PTPRR: variants seen among roughly 807,000 people sequenced by gnomAD.
PTPRR encodes receptor-type tyrosine-protein phosphatase R.
In PTPRR, 38 loss-of-function variants were observed where a neutral mutation model predicts 77.2. That is an observed-to-expected ratio of 0.49 (90% CI 0.38 to 0.65). The LOEUF (loss-of-function observed/expected upper bound fraction) is 0.65. PTPRR is among the 30% of genes least tolerant of loss of function. PTPRR has a pLI of 0.00. For missense variants in PTPRR, 744 were observed against 799.2 expected, an observed-to-expected ratio of 0.93 and a Z score of 0.83; for synonymous variants, 299 against 283.1, an observed-to-expected ratio of 1.06 and a Z score of -0.57.
Position 70,727,425 on chromosome 12 carries a change from C to A in PTPRR, c.1007+18393G>T, listed in dbSNP as rs940078707. On this transcript the variant is annotated intron_variant, in intron 6 of 13. Transcript: ENST00000283228. ...AAATGGGTTATAAGAATTAAAAAAA[C>A]CAGAATTAACTTCTAAGCATAAATG... 7.2e-5 allele frequency among the ~76,000 whole-genome samples: 11 copies of A among 151,966 alleles called. No individual in the cohort carries two copies. In the East Asian group the frequency reaches 7.7e-4, roughly 11 times the overall value.
chr12:70,720,886 G>A (rs890920699), intron 6 of PTPRR, among the ~76,000 whole-genome samples: 6 of 151,896 alleles, frequency 4.0e-5, no homozygotes, highest in Admixed American at 6.6e-5. Flanking sequence ...CCTCATCTTC[G>A]ACTCCAATAA....
chr12:70,871,669 A>G (rs1482449727), intron 2 of PTPRR, among the ~76,000 whole-genome samples: 6 of 152,248 alleles, frequency 3.9e-5, no homozygotes, highest in African/African-American at 1.4e-4. Context: ...AAGTTCTACA[A>G]TGTATACAGA....
At chr12:70,905,104 A>G (rs755040724) in intron 1 of PTPRR, among the ~76,000 whole-genome samples, 9 of 151,874 alleles carry the variant, frequency 5.9e-5, no homozygotes, top group Non-Finnish European at 1.3e-4. Context: ...GAGGACCCAG[A>G]GTACAGGCAG....
chr12:70,732,385 C>T (rs946927424), intron 6 of PTPRR, among the ~76,000 whole-genome samples: 6 of 152,098 alleles, frequency 3.9e-5, no homozygotes, highest in East Asian at 1.9e-4. Flanking sequence ...CAGCAGGGAC[C>T]GTGAGGGTTT....
intron 2 of PTPRR, among the ~76,000 whole-genome samples, chr12:70,771,515 A>G (rs545419716): frequency 1.2e-3 from 180 of 152,260 alleles, no homozygotes; most frequent in African/African-American, 3.9e-3. Flanking sequence ...CCCATGTCGC[A>G]AACCTGCACA....
At chr12:70,780,232 C>T (rs1891175851) in intron 2 of PTPRR, among the ~76,000 whole-genome samples, 1 of 152,082 alleles carries the variant, frequency 6.6e-6, no homozygotes, top group Non-Finnish European at 1.5e-5. Flanking sequence ...CCTTGTGATC[C>T]ACCTGCCTTG....
intron 2 of PTPRR, among the ~76,000 whole-genome samples, chr12:70,791,944 A>C (rs1355427230): frequency 2.0e-5 from 3 of 152,178 alleles, no homozygotes; most frequent in Non-Finnish European, 4.4e-5. Context: ...TGCTTCAACC[A>C]CATATCTCAG....
intron 1 of PTPRR, among the ~76,000 whole-genome samples, chr12:70,911,281 T>C (rs1360620421): frequency 6.6e-6 from 1 of 152,054 alleles, no homozygotes; most frequent in Non-Finnish European, 1.5e-5. Context: ...ATAGTATCAG[T>C]TGGTCAGTAG....
chr12:70,850,738 T>C (rs4760765), intron 2 of PTPRR, among the ~76,000 whole-genome samples: 101,154 of 152,052 alleles, frequency 0.67, 34,495 homozygotes, highest in African/African-American at 0.81. Flanking sequence ...TTGATGTACC[T>C]TTCACTCTCG....
chr12:70,715,269 G>A (rs1366387875), intron 6 of PTPRR, among the ~76,000 whole-genome samples: 2 of 152,084 alleles, frequency 1.3e-5, no homozygotes, highest in African/African-American at 2.4e-5. Context: ...GGGAGTATAC[G>A]AACAGGGTAT....
At chr12:70,885,002 T>C (rs1446994428) in intron 2 of PTPRR, among the ~76,000 whole-genome samples, 2 of 152,248 alleles carry the variant, frequency 1.3e-5, no homozygotes, top group Middle Eastern at 3.4e-3. Context: ...TTCTCTTTTT[T>C]TGTTCTGTTT....
At chr12:70,676,423 G>A (rs1887448921) in intron 10 of PTPRR, among the ~76,000 whole-genome samples, 1 of 151,870 alleles carries the variant, frequency 6.6e-6, no homozygotes, top group South Asian at 2.1e-4. Context: ...ATTTAAAAGA[G>A]TAGCCTACAT....
intron 10 of PTPRR, among the ~76,000 whole-genome samples, chr12:70,670,517 T>C (rs1887182524): frequency 6.6e-6 from 1 of 152,236 alleles, no homozygotes; most frequent in Admixed American, 6.5e-5. Context: ...TTTATGTGTG[T>C]TCAAATTGTG....
chr12:70,881,179 T>C (rs987058899), intron 2 of PTPRR, among the ~76,000 whole-genome samples: 1 of 152,196 alleles, frequency 6.6e-6, no homozygotes, highest in Admixed American at 6.5e-5. Context: ...ATGTACTTGT[T>C]CAGGTTAAAA....
At chr12:70,644,211 T>C (rs538834410) in intron 13 of PTPRR, among the ~76,000 whole-genome samples, 1 of 152,376 alleles carries the variant, frequency 6.6e-6, no homozygotes, top group Non-Finnish European at 1.5e-5. Context: ...GGCTTCTTAC[T>C]AAATAAACTC....
chr12:70,768,600 T>G (rs1438988875), intron 2 of PTPRR, among the ~76,000 whole-genome samples: 1 of 152,166 alleles, frequency 6.6e-6, no homozygotes, highest in Non-Finnish European at 1.5e-5. Flanking sequence ...ACTGGTACCA[T>G]TCCTTCTGAA....
At chr12:70,889,514 A>C (rs945171103) in intron 2 of PTPRR, among the ~76,000 whole-genome samples, 1 of 152,190 alleles carries the variant, frequency 6.6e-6, no homozygotes. Flanking sequence ...TACCTGACAA[A>C]AAGTATTTGC....
chr12:70,715,814 A>G (rs1889005433), intron 6 of PTPRR, among the ~76,000 whole-genome samples: 1 of 152,142 alleles, frequency 6.6e-6, no homozygotes, highest in African/African-American at 2.4e-5. Flanking sequence ...TTGTTCAAAC[A>G]CAGGTACTCT....
intron 6 of PTPRR, among the ~76,000 whole-genome samples, 179 bp downstream of exon 6, chr12:70,745,639 T>C (rs2136926810): frequency 6.6e-6 from 1 of 152,306 alleles, no homozygotes. Context: ...ACCTAACAGA[T>C]TTTATCTAAC....
Sources: allele counts gnomAD v4.1 joint callset (sites outside exome capture counted in the v4.1 genomes callset), GRCh38; gene constraint gnomAD v4.1.1; transcripts MANE v1.5; gene names NCBI Gene and HGNC (gene_info 2026-07-23, HGNC 2026-07-21).